The following USH2A variants were observed in gnomAD, a reference collection of about 807,000 sequenced individuals.
The protein encoded by USH2A is usherin.
In USH2A, 443 loss-of-function variants were observed where a neutral mutation model predicts 538.9. The ratio of observed to expected loss-of-function variants is 0.82; its 90% CI spans 0.76 to 0.89. The LOEUF is 0.89. Ranked by LOEUF, USH2A falls within the 40% of genes least tolerant of loss-of-function variation. The pLI is 0.00. For synonymous variants in USH2A, 2,413 were observed against 2,273.5 expected (o/e 1.06, Z -1.75); for missense variants, 6,633 against 6,324.8 (o/e 1.05, Z -1.65).
rs139012222 is a variant in USH2A at position 215,988,017 on chromosome 1, C to G, written c.6805+5003G>C. Among the ~76,000 whole-genome samples, 412 of 152,054 alleles carry G rather than the reference C, an allele frequency of 2.7e-3. 1 individual carries two copies. The highest frequency in any genetic ancestry group is 4.8e-3 in the Non-Finnish European group (327 of 68,010). On this transcript the variant is annotated intron_variant, in intron 35 of 71. Coordinates refer to ENST00000307340, the MANE Select transcript of USH2A (RefSeq NM_206933.4). The stretch of plus-strand genomic sequence containing the variant: ...TTTATAGCATTTTATTACATCCTCT[C>G]TGTATCTTTTTTTTATTACAGTAAA...
intron 64 of USH2A, among the ~76,000 whole-genome samples, chr1:215,656,996 G>T (rs1657275286): frequency 6.6e-6 from 1 of 152,222 alleles, no homozygotes; most frequent in Admixed American, 6.5e-5. Flanking sequence ...TAATGAGATT[G>T]TTATCACATT....
chr1:216,413,668 T>C (rs142959546), intron 3 of USH2A, among the ~76,000 whole-genome samples: 6 of 152,212 alleles, frequency 3.9e-5, no homozygotes, highest in African/African-American at 1.4e-4. Flanking sequence ...GAACTGCTCT[T>C]TTTCACACTA....
chr1:215,854,281 T>G (rs1467491358), intron 44 of USH2A, among the ~76,000 whole-genome samples: 1 of 152,080 alleles, frequency 6.6e-6, no homozygotes, highest in Admixed American at 6.5e-5. Context: ...GAGAATAGCA[T>G]AGGAAAGACC....
chr1:216,214,060 G>C (rs755975190), intron 15 of USH2A, among the ~76,000 whole-genome samples: 5 of 152,136 alleles, frequency 3.3e-5, no homozygotes, highest in Non-Finnish European at 5.9e-5. Flanking sequence ...ATGTTGCTGA[G>C]ACCATAGAGT....
chr1:216,253,613 C>T (rs968538071), intron 11 of USH2A, among the ~76,000 whole-genome samples: 1 of 152,140 alleles, frequency 6.6e-6, no homozygotes, highest in Non-Finnish European at 1.5e-5. Flanking sequence ...GCGTATTGAT[C>T]ATTTCGTAGT....
chr1:215,970,721 T>TGA lies in USH2A; in HGVS notation c.6859_6860dup (p.Glu2288GlnfsTer39), dbSNP rs1209497158. The TGA allele has an allele frequency of 6.2e-7, 1 of 1,613,580 alleles. No individual in the cohort carries two copies. ...ATCCGTAAGCACGATAGCTGAGTTC[T>TGA]GAGGAATTGTGGATTAATATACCAT... On this transcript the variant is annotated frameshift_variant, in exon 36 of 72. Transcript: ENST00000307340. LOFTEE classifies it high-confidence loss of function.
At chr1:216,398,303 A>C (rs889736607) in intron 3 of USH2A, among the ~76,000 whole-genome samples, 1 of 152,302 alleles carries the variant, frequency 6.6e-6, no homozygotes, top group South Asian at 2.1e-4. Context: ...AAAAAAAATT[A>C]GGAATCTGAG....
rs573344929 is a variant in USH2A at position 216,170,280 on chromosome 1, T to C, written c.4627+4972A>G. Among the ~76,000 whole-genome samples, 4 of 152,250 alleles carry C rather than the reference T, an allele frequency of 2.6e-5. No homozygotes were observed. The South Asian group carries it at 8.3e-4, about 32-fold the overall frequency. On this transcript the variant is annotated intron_variant, in intron 21 of 71. Coordinates refer to ENST00000307340, the MANE Select transcript of USH2A (RefSeq NM_206933.4). Reference sequence around the variant, plus strand: ...TCTTTTTTCATCCCTTGGTAATTAATTGCATTTCGTATTCTAAAGCATTTT... The same window carrying C: ...TCTTTTTTCATCCCTTGGTAATTAACTGCATTTCGTATTCTAAAGCATTTT...
At chr1:216,092,375 C>T (rs906450014) in intron 22 of USH2A, among the ~76,000 whole-genome samples, 4 of 151,934 alleles carry the variant, frequency 2.6e-5, no homozygotes, top group South Asian at 2.1e-4. Context: ...TAATCTCGTC[C>T]GCATTTAAAG....
intron 11 of USH2A, among the ~76,000 whole-genome samples, chr1:216,282,783 C>T (rs2036807544): frequency 6.6e-6 from 1 of 152,130 alleles, no homozygotes; most frequent in Non-Finnish European, 1.5e-5. Flanking sequence ...AAAGATTACA[C>T]TAAATCTGTA....
intron 38 of USH2A, among the ~76,000 whole-genome samples, chr1:215,910,004 T>C (rs1665735710): frequency 6.6e-6 from 1 of 151,978 alleles, no homozygotes; most frequent in Non-Finnish European, 1.5e-5. Flanking sequence ...TTCATGTGTT[T>C]AGGCCTGAGC....
At chr1:216,415,907 G>A (rs1309589906) in intron 3 of USH2A, among the ~76,000 whole-genome samples, 1 of 152,032 alleles carries the variant, frequency 6.6e-6, no homozygotes, top group East Asian at 1.9e-4. Context: ...GCTCATGCCT[G>A]TAATACCATC....
chr1:216,117,831 G>GTATATATATATACACAT (rs2033044489), intron 21 of USH2A, among the ~76,000 whole-genome samples: 1 of 132,906 alleles, frequency 7.5e-6, no homozygotes, highest in African/African-American at 2.7e-5. Flanking sequence ...TATATACACA[G>GTATATATATATACACAT]ATATATATAT....
At chr1:216,138,944 A>G (rs528908162) in intron 21 of USH2A, among the ~76,000 whole-genome samples, 1,767 of 136,368 alleles carry the variant, frequency 0.013, 24 homozygotes, top group African/African-American at 0.039. Flanking sequence ...GTGTGTGTGT[A>G]TATATATGTG....
intron 35 of USH2A, among the ~76,000 whole-genome samples, chr1:215,972,228 G>T (rs1667511505): frequency 6.6e-6 from 1 of 152,144 alleles, no homozygotes; most frequent in African/African-American, 2.4e-5. Context: ...CCAGTTTCTA[G>T]CTCCAAGAGC....
intron 50 of USH2A, among the ~76,000 whole-genome samples, chr1:215,791,077 T>A (rs772193604): frequency 6.6e-6 from 1 of 152,182 alleles, no homozygotes; most frequent in Non-Finnish European, 1.5e-5. Context: ...CCAAATTTAG[T>A]TTAATTACCT....
chr1:215,813,846 T>G lies in USH2A; in HGVS notation c.9629A>C (p.Lys3210Thr). ...AGAATTCAGAACAAACGGGATATAC[T>G]TTTCTTCACAACAGCGATGTCCAGG... The part of the protein sequence containing the change: ...PKPGHRCCEE[K>T]YIPFVLNSTG... Residue 3210 changes from lysine (K) to threonine (T), a missense_variant, in exon 49 of 72, where the codon AAG becomes ACG. Lys to Thr is a moderately conservative substitution (Grantham distance 78, BLOSUM62 -1). Transcript: ENST00000307340. The G allele has an allele frequency of 6.2e-7, 1 of 1,613,950 alleles. No homozygotes were observed. Among genetic ancestry groups the G allele is most frequent in the East Asian group, 2.2e-5 (1 of 44,870 alleles).
chr1:215,869,370 G>A (rs1183799000), intron 43 of USH2A, among the ~76,000 whole-genome samples: 1 of 152,272 alleles, frequency 6.6e-6, no homozygotes, highest in East Asian at 1.9e-4. Context: ...ATACTTGGAT[G>A]ATGTCATATC....
chr1:215,905,974 T>C (rs183275259), intron 38 of USH2A, among the ~76,000 whole-genome samples: 8 of 152,252 alleles, frequency 5.3e-5, no homozygotes, highest in Non-Finnish European at 1.0e-4. Context: ...CCGAAATAGC[T>C]ACATATGAGC....
Sources: gnomAD v4.1 joint callset for allele counts (sites outside exome capture counted in the v4.1 genomes callset) on GRCh38, gnomAD v4.1.1 for gene constraint, MANE v1.5 for transcripts, NCBI Gene and HGNC (gene_info 2026-07-23, HGNC 2026-07-21) for gene names.